The following PSMA8 variants were observed in gnomAD, a reference collection of about 807,000 sequenced individuals.
The protein encoded by PSMA8 is proteasome subunit alpha-type 8.
In PSMA8, 18 loss-of-function variants were observed where a neutral mutation model predicts 32.4. The observed-to-expected ratio is 0.56, with a 90% CI of 0.38 to 0.82. The LOEUF (loss-of-function observed/expected upper bound fraction) is 0.82, where lower values mean the gene tolerates loss of function less well. PSMA8 is among the 40% of genes least tolerant of loss of function. PSMA8 has a pLI of 0.00. For missense variants in PSMA8, 298 were observed against 300.7 expected (o/e 0.99, Z 0.07); for synonymous variants, 104 against 98.1 (o/e 1.06, Z -0.36).
At chr18:26,174,430 T>C (rs1404527307) in intron 4 of PSMA8, among the ~76,000 whole-genome samples, 2 of 152,232 alleles carry the variant, frequency 1.3e-5, no homozygotes, top group Non-Finnish European at 2.9e-5. Context: ...ATTCAAAACT[T>C]TGTTTCAGTT....
intron 3 of PSMA8, among the ~76,000 whole-genome samples, chr18:26,156,737 A>G (rs1440239049): frequency 6.7e-6 from 1 of 148,926 alleles, no homozygotes; most frequent in Non-Finnish European, 1.5e-5. Context: ...GTGTGTGTGC[A>G]TATATTGTAT....
chr18:26,155,763 C>G (rs1241314987), intron 3 of PSMA8, among the ~76,000 whole-genome samples: 3 of 152,076 alleles, frequency 2.0e-5, no homozygotes, highest in Non-Finnish European at 2.9e-5. Context: ...ATGGATAAGA[C>G]TTTAAAAGCA....
At chr18:26,177,335 CA>C (rs1466418918) in intron 4 of PSMA8, among the ~76,000 whole-genome samples, 3 of 152,202 alleles carry the variant, frequency 2.0e-5, no homozygotes, top group African/African-American at 7.2e-5. Flanking sequence ...GCCCTCACAA[CA>C]GAGGATTAGC....
chr18:26,140,850 G>A (rs1326779602), intron 1 of PSMA8, among the ~76,000 whole-genome samples: 2 of 152,078 alleles, frequency 1.3e-5, no homozygotes, highest in East Asian at 3.8e-4. Flanking sequence ...TTGTTTTTGA[G>A]GATTAGTTCT....
At chr18:26,163,958 AAGG>A (rs2055158595) in intron 4 of PSMA8, among the ~76,000 whole-genome samples, 1 of 152,220 alleles carries the variant, frequency 6.6e-6, no homozygotes, top group Admixed American at 6.5e-5. Context: ...ATAGTCTACA[AAGG>A]AGGAGAACTC....
chr18:26,189,860 A>T (rs1458779302), intron 6 of PSMA8, among the ~76,000 whole-genome samples: 1 of 152,236 alleles, frequency 6.6e-6, no homozygotes, highest in Non-Finnish European at 1.5e-5. Flanking sequence ...TAATTGCAGA[A>T]CTGTTCACAA....
At chr18:26,163,060 A>G (rs963524791) in intron 4 of PSMA8, among the ~76,000 whole-genome samples, 21 of 151,500 alleles carry the variant, frequency 1.4e-4, no homozygotes, top group Admixed American at 1.3e-4. Flanking sequence ...TAAATACTGA[A>G]TTTTTATTAC....
chr18:26,165,570 T>G (rs1338848592), intron 4 of PSMA8, among the ~76,000 whole-genome samples: 1 of 151,072 alleles, frequency 6.6e-6, no homozygotes, highest in African/African-American at 2.4e-5. Context: ...CAAGGGAATT[T>G]TCCCCCCCCA....
At chr18:26,159,597 C>T (rs1303990030) in intron 4 of PSMA8, among the ~76,000 whole-genome samples, 2 of 151,898 alleles carry the variant, frequency 1.3e-5, no homozygotes, top group Non-Finnish European at 2.9e-5. Context: ...GTTTCTATAT[C>T]GTAACACAAC....
In PSMA8 at chr18:26,183,114, G is replaced by A. The variant is rs140601218; in HGVS notation, c.660+3984G>A. 4.7e-5 allele frequency among the ~76,000 whole-genome samples: 7 copies of A among 149,044 alleles called. 1 individual carries two copies. In the East Asian group the frequency reaches 8.1e-4, roughly 17 times the overall value. On this transcript the variant is annotated intron_variant, in intron 6 of 6. Transcript: ENST00000415576. ...CTCAAAAAAAACAAACAAAAAGGCC[G>A]GGCGTGGTGGCTCATGCTTGTAATC...
chr18:26,149,537 A>G (rs1186139915), intron 2 of PSMA8, among the ~76,000 whole-genome samples: 2 of 152,250 alleles, frequency 1.3e-5, no homozygotes, highest in Non-Finnish European at 2.9e-5. Context: ...GCTACTACAA[A>G]GATACAGTAA....
chr18:26,158,294 A>T (rs185337398), intron 4 of PSMA8, 50 bp downstream of exon 4: 1 of 1,413,756 alleles, frequency 7.1e-7, no homozygotes, highest in South Asian at 1.3e-5. Flanking sequence ...TAAATATTCA[A>T]TGTAAATGCT....
chr18:26,147,438 G>A (rs966159569), intron 2 of PSMA8, among the ~76,000 whole-genome samples: 2 of 151,944 alleles, frequency 1.3e-5, no homozygotes, highest in Non-Finnish European at 2.9e-5. Flanking sequence ...ATCAAAACTT[G>A]GGGAATGTAT....
At chr18:26,155,381 C>T (rs2055080858) in intron 3 of PSMA8, among the ~76,000 whole-genome samples, 1 of 152,082 alleles carries the variant, frequency 6.6e-6, no homozygotes, top group Admixed American at 6.5e-5. Flanking sequence ...AAGCTGGTGC[C>T]ATCACACTAC....
intron 1 of PSMA8, among the ~76,000 whole-genome samples, chr18:26,143,713 A>G (rs2054977958): frequency 6.6e-6 from 1 of 152,062 alleles, no homozygotes. Flanking sequence ...AATTGGATAA[A>G]TAATTATCAT....
chr18:26,192,881 G>C lies in PSMA8; in HGVS notation c.*470G>C, dbSNP rs2055415542. The C allele has an allele frequency of 6.6e-6, 1 of 152,086 alleles. No individual in the cohort carries two copies. Among genetic ancestry groups the C allele is most frequent in the African/African-American group, 2.4e-5 (1 of 41,418 alleles). The allele number at this position is 152,086 out of a possible 1,614,324, so 9.4% of individuals were successfully genotyped here. A position where few individuals can be genotyped will look rare whatever the true frequency, so the allele number is the denominator to read the frequency against. On this transcript the variant is annotated 3_prime_UTR_variant, in exon 7 of 7. Coordinates refer to ENST00000415576, the MANE Select transcript of PSMA8 (RefSeq NM_001025096.2). ...CTGATGAGTTCTTAAAATTTTGTCA[G>C]AGCCTTCTTCATTTTACAATATTTT...
intron 3 of PSMA8, among the ~76,000 whole-genome samples, chr18:26,156,601 A>G (rs999533654): frequency 2.6e-5 from 4 of 151,156 alleles, no homozygotes; most frequent in African/African-American, 9.7e-5. Context: ...TGTGGACACT[A>G]AAAAAGTTGT....
intron 4 of PSMA8, among the ~76,000 whole-genome samples, chr18:26,159,001 G>GC (rs1477932725): frequency 1.3e-5 from 2 of 151,630 alleles, no homozygotes; most frequent in Non-Finnish European, 2.9e-5. Flanking sequence ...ATGCCCCCCT[G>GC]CCCCCCGCAA....
intron 2 of PSMA8, among the ~76,000 whole-genome samples, chr18:26,148,791 T>C: frequency 6.6e-6 from 1 of 152,202 alleles, no homozygotes. Flanking sequence ...TTACAAATAA[T>C]AAACAAATTG....
Sources: allele counts gnomAD v4.1 joint callset (sites outside exome capture counted in the v4.1 genomes callset), GRCh38; gene constraint gnomAD v4.1.1; transcripts MANE v1.5; gene names NCBI Gene and HGNC (gene_info 2026-07-23, HGNC 2026-07-21).